Variants in ARHGAP26 observed in about 807,000 individuals in gnomAD.
ARHGAP26 encodes the protein Rho GTPase activating protein 26, also known as rho GTPase-activating protein 26.
A neutral mutation model predicts 104.8 loss-of-function variants in ARHGAP26; 38 were observed. That is an observed-to-expected ratio of 0.36 (90% CI 0.28 to 0.48). The LOEUF (loss-of-function observed/expected upper bound fraction) is 0.48. ARHGAP26 is among the 20% of genes least tolerant of loss of function. ARHGAP26 has a pLI of 0.99. For missense variants in ARHGAP26, 704 were observed against 947.9 expected, an observed-to-expected ratio of 0.74 and a Z score of 3.38; for synonymous variants, 341 against 340.0, an observed-to-expected ratio of 1.00 and a Z score of -0.03.
intron 1 of ARHGAP26, among the ~76,000 whole-genome samples, chr5:142,859,019 C>T (rs1752872888): frequency 6.6e-6 from 1 of 152,086 alleles, no homozygotes; most frequent in African/African-American, 2.4e-5. Context: ...GAGGGCAAGG[C>T]CAGTGGGGTG....
rs189923741 is a variant in ARHGAP26 at position 142,825,239 on chromosome 5, A to G, written c.155-48161A>G. On this transcript the variant is annotated intron_variant, in intron 1 of 22. Coordinates refer to ENST00000645722, the MANE Select transcript of ARHGAP26 (RefSeq NM_001135608.3). ...GTACCTAGCACACAGTACATGCTCT[A>G]TGTTAGTAACAGTAACTTGTTATTG... Among the ~76,000 whole-genome samples the G allele has an allele frequency of 3.7e-4, 57 of 152,350 alleles. No homozygotes were observed. In the East Asian group the frequency reaches 6.7e-3, roughly 18 times the overall value.
At chr5:143,123,510 G>A (rs1272150151) in intron 18 of ARHGAP26, among the ~76,000 whole-genome samples, 1 of 152,178 alleles carries the variant, frequency 6.6e-6, no homozygotes, top group Non-Finnish European at 1.5e-5. Flanking sequence ...CAAATCCAGA[G>A]CAATTTTATG....
chr5:143,134,049 C>A lies in ARHGAP26; in HGVS notation c.1781C>A (p.Pro594Gln), dbSNP rs757204903. The change falls in exon 19 of 23, where the codon CCG becomes CAG. Residue 594 changes from proline to glutamine, a missense_variant. Around this residue, in one of 6 missense-constraint regions of ARHGAP26, gnomAD observed 217 missense variants for 242.6 expected, o/e 0.89. Coordinates refer to ENST00000645722, the MANE Select transcript of ARHGAP26 (RefSeq NM_001135608.3). ...SRKKSSDSKP[P>Q]SCSERPLTLF... ...AAGAAGAGCAGTGACTCCAAGCCCCCGTCCTGCAGCGAGAGGCCCCTGACG... is the reference window on the plus strand; with the variant it reads ...AAGAAGAGCAGTGACTCCAAGCCCCAGTCCTGCAGCGAGAGGCCCCTGACG... The A allele has an allele frequency of 6.2e-7, 1 of 1,612,918 alleles. No homozygotes were observed. The highest frequency in any genetic ancestry group is 8.5e-7 in the Non-Finnish European group (1 of 1,179,430).
intron 19 of ARHGAP26, among the ~76,000 whole-genome samples, chr5:143,139,663 T>C (rs1798290817): frequency 6.6e-6 from 1 of 152,222 alleles, no homozygotes; most frequent in African/African-American, 2.4e-5. Context: ...GAATGGTAGC[T>C]TTAATATGCT....
rs137980552 is a variant in ARHGAP26, at chr5:143,082,667, T to C, written c.1538+24920T>C. 1.9e-3 allele frequency among the ~76,000 whole-genome samples: 296 copies of C among 152,372 alleles called. 2 individuals carry two copies. The highest frequency in any genetic ancestry group is 6.9e-3 in the African/African-American group (287 of 41,588). ...CTGGCTGAGTCTTGAGCCTATTTTGTTCTCACTATACTGTAGCCGCACATA... is the reference window on the plus strand; with the variant it reads ...CTGGCTGAGTCTTGAGCCTATTTTGCTCTCACTATACTGTAGCCGCACATA... On this transcript the variant is annotated intron_variant, in intron 17 of 22. Transcript: ENST00000645722.
At position 142,903,657 on chromosome 5, in the gene ARHGAP26, G is replaced by A; in HGVS notation, c.820G>A (p.Val274Met). ...CTACACCATGGAGGGATACCTCTAC[G>A]TGCAGGAGAAACGTGAGTGCTTTGA... ...SPYTMEGYLY[V>M]QEKRHFGTSW... Residue 274 changes from valine (V) to methionine (M), a missense_variant, in exon 8 of 23, where the codon GTG becomes ATG. Val to Met is a conservative substitution (Grantham distance 21). This residue lies in a region of ARHGAP26 where 287 missense variants were observed against 438.8 expected (regional missense o/e 0.65). Transcript: ENST00000645722. 2.5e-6 allele frequency: 4 copies of A among 1,613,614 alleles called. No homozygotes were observed. The highest frequency in any genetic ancestry group is 1.1e-5 in the South Asian group (1 of 90,956).
chr5:143,023,632 A>G (rs245821), intron 12 of ARHGAP26, among the ~76,000 whole-genome samples: 149,161 of 152,328 alleles, frequency 0.98, 73,492 homozygotes, highest in Middle Eastern at 1. Flanking sequence ...TGGGATCAGA[A>G]CCATCCAGAG....
In ARHGAP26 at chr5:143,226,656, T is replaced by C. The variant is rs1040339186; in HGVS notation, c.*4210T>C. On this transcript the variant is annotated 3_prime_UTR_variant, in exon 23 of 23. Coordinates refer to ENST00000645722, the MANE Select transcript of ARHGAP26 (RefSeq NM_001135608.3). ...CCCTGTGCATTGTGGCCTGCCTTGG[T>C]GTCCTAGAATTGGAGCCAGTCTTTA... 1 of 215,462 alleles carries C rather than the reference T, an allele frequency of 4.6e-6. No individual in the cohort carries two copies. The highest frequency in any genetic ancestry group is 9.3e-6 in the Non-Finnish European group (1 of 107,024). 13.3% of individuals were successfully genotyped at this position (215,462 alleles called of 1,614,324 possible).
chr5:142,940,491 G>A (rs1766090114), intron 11 of ARHGAP26, among the ~76,000 whole-genome samples: 1 of 152,056 alleles, frequency 6.6e-6, no homozygotes, highest in Non-Finnish European at 1.5e-5. Context: ...CTGTCAAGTA[G>A]GCTCCAGTAT....
Position 143,147,228 on chromosome 5 carries a change from C to G in ARHGAP26, c.1838-3C>G. 1 of 1,613,570 alleles carries G rather than the reference C, an allele frequency of 6.2e-7. No individual in the cohort carries two copies. The highest frequency in any genetic ancestry group is 8.5e-7 in the Non-Finnish European group (1 of 1,179,688). ...TATGGGACTTGTGGCTTTTCCCCCCCAGAGGAACAAAGGAACAGCATCATC... is the reference window on the plus strand; with the variant it reads ...TATGGGACTTGTGGCTTTTCCCCCCGAGAGGAACAAAGGAACAGCATCATC... On this transcript the variant is annotated splice_region_variant and splice_polypyrimidine_tract_variant and intron_variant, in intron 19 of 22. Coordinates refer to ENST00000645722, the MANE Select transcript of ARHGAP26 (RefSeq NM_001135608.3).
At chr5:142,794,433 G>T (rs972554447) in intron 1 of ARHGAP26, among the ~76,000 whole-genome samples, 4 of 152,196 alleles carry the variant, frequency 2.6e-5, no homozygotes, top group African/African-American at 9.7e-5. Flanking sequence ...AGTAAATTGA[G>T]CACGGTCATC....
chr5:143,205,420 G>T (rs749723662), intron 20 of ARHGAP26, among the ~76,000 whole-genome samples: 1 of 152,194 alleles, frequency 6.6e-6, no homozygotes, highest in Non-Finnish European at 1.5e-5. Flanking sequence ...GAACACTGGA[G>T]GCAGGATTGG....
At chr5:143,201,068 G>C (rs1807642825) in intron 20 of ARHGAP26, among the ~76,000 whole-genome samples, 1 of 152,204 alleles carries the variant, frequency 6.6e-6, no homozygotes, top group Non-Finnish European at 1.5e-5. Flanking sequence ...TTCTTTCACT[G>C]TCCAGTGAAT....
intron 12 of ARHGAP26, among the ~76,000 whole-genome samples, chr5:143,018,531 G>T (rs758753240): frequency 7.1e-4 from 108 of 152,174 alleles, no homozygotes; most frequent in Non-Finnish European, 1.4e-3. Context: ...GATGTTCCAT[G>T]AAGATCCATT....
At chr5:142,797,895 A>G (rs370877582) in intron 1 of ARHGAP26, among the ~76,000 whole-genome samples, 43 of 152,276 alleles carry the variant, frequency 2.8e-4, no homozygotes, top group African/African-American at 9.6e-4. Context: ...GGGGCTTGAC[A>G]TTCTGCATTT....
chr5:142,942,845 A>T (rs968531777), intron 11 of ARHGAP26, among the ~76,000 whole-genome samples: 1 of 152,146 alleles, frequency 6.6e-6, no homozygotes, highest in Non-Finnish European at 1.5e-5. Flanking sequence ...CAGTGGTAGG[A>T]TCTCAGCTCA....
At chr5:142,981,325 G>A (rs1265321450) in intron 11 of ARHGAP26, among the ~76,000 whole-genome samples, 1 of 152,168 alleles carries the variant, frequency 6.6e-6, no homozygotes, top group Non-Finnish European at 1.5e-5. Flanking sequence ...GTGCTGGGAG[G>A]ATTCAATGAG....
chr5:143,081,587 C>T (rs1054383029), intron 17 of ARHGAP26, among the ~76,000 whole-genome samples: 7 of 152,122 alleles, frequency 4.6e-5, no homozygotes, highest in African/African-American at 2.4e-5. Flanking sequence ...CATCCGAAGA[C>T]GGTGAAAACA....
intron 1 of ARHGAP26, among the ~76,000 whole-genome samples, chr5:142,810,417 A>G (rs1763832196): frequency 1.3e-5 from 2 of 152,062 alleles, no homozygotes; most frequent in African/African-American, 4.8e-5. Context: ...GCCCCAGGTC[A>G]AGTCCTGTTG....
Sources: gnomAD v4.1 joint callset for allele counts (sites outside exome capture counted in the v4.1 genomes callset) on GRCh38, gnomAD v4.1.1 for gene constraint, gnomAD v4.1.1 regional missense constraint, MANE v1.5 for transcripts, NCBI Gene and HGNC (gene_info 2026-07-23, HGNC 2026-07-21) for gene names.